Variants in SYNE2 observed in about 807,000 individuals in gnomAD.
SYNE2 encodes nesprin-2.
SYNE2 carries 431 observed loss-of-function variants against 856.3 expected under a neutral mutation model. The observed-to-expected ratio is 0.50, with a 90% CI of 0.47 to 0.55. The LOEUF is 0.55. Ranked by LOEUF, SYNE2 falls within the 20% of genes least tolerant of loss-of-function variation. SYNE2 has a pLI of 0.00. For synonymous variants in SYNE2, 2,923 were observed against 2,872.3 expected, an observed-to-expected ratio of 1.02 and a Z score of -0.56; for missense variants, 8,129 against 8,023.2, an observed-to-expected ratio of 1.01 and a Z score of -0.50.
rs151079453 is a variant in SYNE2, at chr14:63,959,457, A to G, written c.788-2068A>G. On this transcript the variant is annotated intron_variant, in intron 8 of 115. Coordinates refer to ENST00000555002, the MANE Select transcript of SYNE2 (RefSeq NM_182914.3). ...GGATTACAGGCATGTGCAACCACGC[A>G]TGGCTAATTTTTGTATTTTTAGTAG... Among the ~76,000 whole-genome samples the G allele has an allele frequency of 6.6e-5, 10 of 151,508 alleles. 1 individual carries two copies. The East Asian group carries it at 1.9e-3, about 29-fold the overall frequency.
chr14:64,191,338 G>C (rs1201798636), intron 99 of SYNE2, among the ~76,000 whole-genome samples: 1 of 152,102 alleles, frequency 6.6e-6, no homozygotes, highest in East Asian at 1.9e-4. Context: ...AGTTACATTA[G>C]TGGGAGTAGG....
chr14:63,977,534 T>C (rs999003369), intron 12 of SYNE2, among the ~76,000 whole-genome samples: 3 of 152,112 alleles, frequency 2.0e-5, no homozygotes, highest in African/African-American at 7.2e-5. Context: ...TCACAAAATC[T>C]TAGTTAAAGG....
At chr14:64,189,678 C>T (rs1310646352) in intron 98 of SYNE2, among the ~76,000 whole-genome samples, 1 of 152,204 alleles carries the variant, frequency 6.6e-6, no homozygotes, top group Non-Finnish European at 1.5e-5. Context: ...AAGTTAGCTT[C>T]ATTAGAAGGT....
At chr14:63,830,242 G>A (rs200832565) in intron 1 of SYNE2, among the ~76,000 whole-genome samples, 25 of 121,712 alleles carry the variant, frequency 2.1e-4, no homozygotes, top group Non-Finnish European at 3.7e-4. Flanking sequence ...GTGGTGATGG[G>A]GTGAAGGCTA....
In SYNE2 at chr14:63,981,133, G is replaced by C; in HGVS notation, c.1796G>C (p.Arg599Thr). Residue 599 changes from arginine to threonine, a missense_variant, in exon 16 of 116, where the codon AGG (arginine) becomes ACG (threonine). Physicochemically the swap from Arg to Thr is moderately conservative, Grantham distance 71. This residue lies in a region of SYNE2 where 2,422 missense variants were observed against 2,357.4 expected (regional missense o/e 1.03). Coordinates refer to ENST00000555002, the MANE Select transcript of SYNE2 (RefSeq NM_182914.3). ...TATGTGGAAAACCTTCGCTTACTAAGGGCTTGCTTTGAGGAGACAAAGAAG... is the reference window on the plus strand; with the variant it reads ...TATGTGGAAAACCTTCGCTTACTAACGGCTTGCTTTGAGGAGACAAAGAAG... ...ATYVENLRLLRACFEETKKEE... is the reference protein window; with the variant it reads ...ATYVENLRLLTACFEETKKEE... 6.2e-7 allele frequency: 1 copy of C among 1,613,780 alleles called. No individual in the cohort carries two copies. The highest frequency in any genetic ancestry group is 1.7e-4 in the Middle Eastern group (1 of 6,058).
rs1206361759 is a variant in SYNE2, at chr14:63,983,891, A to C, written c.2151+5A>C. On this transcript the variant is annotated splice_donor_5th_base_variant and intron_variant, in intron 18 of 115. Coordinates refer to ENST00000555002, the MANE Select transcript of SYNE2 (RefSeq NM_182914.3). ...AATTATAATCAAAATATAAAGGTAA[A>C]ATAATCATACTTTGTATATTTCACT... 3 of 1,492,854 alleles carry C rather than the reference A, an allele frequency of 2.0e-6. No individual in the cohort carries two copies. Among genetic ancestry groups the C allele is most frequent in the Non-Finnish European group, 2.8e-6 (3 of 1,080,462 alleles). The allele number at this position is 1,492,854 out of a possible 1,614,324, so 92.5% of individuals were successfully genotyped here.
intron 1 of SYNE2, among the ~76,000 whole-genome samples, chr14:63,793,761 GC>G (rs148890187): frequency 1.3e-3 from 189 of 148,102 alleles, no homozygotes; most frequent in African/African-American, 1.8e-3. Context: ...ACAAAATGAG[GC>G]CCCCCCCCAA....
chr14:64,053,056 A>T lies in SYNE2; in HGVS notation c.9143A>T (p.Tyr3048Phe). ...LDTFEEEHGK[Y>F]QALLSKMRAI... ...ACATTTGAGGAAGAACATGGCAAAT[A>T]TCAGGCATTATTAAGTAAAATGAGA... is the stretch of plus-strand genomic sequence containing the variant. Residue 3048 changes from tyrosine to phenylalanine, a missense_variant, in exon 48 of 116, where the codon TAT (tyrosine) becomes TTT (phenylalanine). Tyr to Phe is a conservative substitution (Grantham distance 22). This residue lies in a region of SYNE2 where 5,410 missense variants were observed against 5,284.8 expected (regional missense o/e 1.02). Transcript: ENST00000555002. 1.2e-6 allele frequency: 2 copies of T among 1,614,120 alleles called. No individual in the cohort carries two copies. The highest frequency in any genetic ancestry group is 1.1e-5 in the South Asian group (1 of 91,022).
Position 64,171,506 on chromosome 14 carries a change from G to T in SYNE2, c.17235+1044G>T, listed in dbSNP as rs185919262. Among the ~76,000 whole-genome samples, 381 of 152,338 alleles carry T rather than the reference G, an allele frequency of 2.5e-3. 1 individual carries two copies. The highest frequency in any genetic ancestry group is 8.8e-3 in the African/African-American group (365 of 41,586). ...GGGCCAGTAGAGATGGGGATGTGTG[G>T]CTCCTTTAGATTGGGTTGTCTCTGG... is the stretch of plus-strand genomic sequence containing the variant. On this transcript the variant is annotated intron_variant, in intron 94 of 115. Transcript: ENST00000555002.
At chr14:64,181,085 CTTCTTT>C (rs2098455763) in intron 96 of SYNE2, among the ~76,000 whole-genome samples, 1 of 151,696 alleles carries the variant, frequency 6.6e-6, no homozygotes, top group African/African-American at 2.4e-5. Flanking sequence ...TTGTTTGTTT[CTTCTTT>C]TTAATATACT....
intron 90 of SYNE2, among the ~76,000 whole-genome samples, chr14:64,166,566 A>G (rs1473959437): frequency 6.6e-6 from 1 of 152,214 alleles, no homozygotes; most frequent in East Asian, 1.9e-4. Context: ...TCAAATTTTC[A>G]TCACTCTGTG....
At chr14:64,085,154 C>T in intron 57 of SYNE2, 1 of 583,900 alleles carries the variant, frequency 1.7e-6, no homozygotes. Context: ...CTCACTGCAG[C>T]CTCCACCTTC....
intron 76 of SYNE2, 127 bp downstream of exon 76, chr14:64,130,375 C>A: frequency 1.1e-6 from 1 of 902,432 alleles, no homozygotes; most frequent in Non-Finnish European, 1.7e-6. Flanking sequence ...TTTTAATAAA[C>A]ATCTATTAGA....
chr14:63,957,362 T>C (rs774093237), intron 8 of SYNE2, among the ~76,000 whole-genome samples: 1 of 149,492 alleles, frequency 6.7e-6, no homozygotes, highest in Non-Finnish European at 1.5e-5. Flanking sequence ...TCCATCTCCT[T>C]GGTTCAAGTG....
chr14:63,863,153 G>T (rs1894196660), intron 1 of SYNE2, among the ~76,000 whole-genome samples: 1 of 152,160 alleles, frequency 6.6e-6, no homozygotes, highest in Non-Finnish European at 1.5e-5. Flanking sequence ...CATTTCAGCA[G>T]TTATGTTGCC....
At chr14:64,012,349 T>C (rs1253421458) in intron 32 of SYNE2, among the ~76,000 whole-genome samples, 1 of 152,212 alleles carries the variant, frequency 6.6e-6, no homozygotes, top group East Asian at 1.9e-4. Flanking sequence ...CTCTGTGTGC[T>C]TGTTGGTTTG....
chr14:64,223,489 G>A (rs1596326659), intron 113 of SYNE2, 109 bp downstream of exon 113: 1 of 1,228,362 alleles, frequency 8.1e-7, no homozygotes, highest in Non-Finnish European at 1.2e-6. Context: ...AGGGCCAGGT[G>A]GTCCGAGTGG....
At chr14:63,931,537 G>A (rs1237450601) in intron 2 of SYNE2, among the ~76,000 whole-genome samples, 3 of 145,616 alleles carry the variant, frequency 2.1e-5, no homozygotes, top group South Asian at 2.1e-4. Flanking sequence ...GCTACAAAGC[G>A]AGACTCTGTC....
intron 1 of SYNE2, among the ~76,000 whole-genome samples, chr14:63,787,177 C>A (rs563951567): frequency 6.6e-6 from 1 of 152,080 alleles, no homozygotes; most frequent in East Asian, 1.9e-4. Context: ...TTTATCATTT[C>A]TTTGTGTTGG....
Sources: allele counts gnomAD v4.1 joint callset (sites outside exome capture counted in the v4.1 genomes callset), GRCh38; gene constraint gnomAD v4.1.1; regional missense constraint gnomAD v4.1.1; transcripts MANE v1.5; gene names NCBI Gene and HGNC (gene_info 2026-07-23, HGNC 2026-07-21).